The following PIK3CB variants were observed in gnomAD, a reference collection of about 807,000 sequenced individuals.
PIK3CB encodes the protein phosphatidylinositol 4,5-bisphosphate 3-kinase catalytic subunit beta isoform.
In PIK3CB, 39 loss-of-function variants were observed where a neutral mutation model predicts 136.8. That is an observed-to-expected ratio of 0.29 (90% CI 0.22 to 0.37). PIK3CB has a LOEUF of 0.37. Among genes scored for constraint, PIK3CB ranks in the 10% least tolerant of loss-of-function variants. The pLI is 1.00. For synonymous variants in PIK3CB, 428 were observed against 436.6 expected (o/e 0.98, Z 0.25); for missense variants, 868 against 1,275.4 (o/e 0.68, Z 4.87).
At chr3:138,716,211 T>TG (rs1165554400) in intron 8 of PIK3CB, among the ~76,000 whole-genome samples, 1 of 152,206 alleles carries the variant, frequency 6.6e-6, no homozygotes, top group Non-Finnish European at 1.5e-5. Flanking sequence ...TCTGAACACA[T>TG]GACCTAATTC....
chr3:138,700,225 A>G (rs956634353), intron 12 of PIK3CB, among the ~76,000 whole-genome samples: 2 of 152,016 alleles, frequency 1.3e-5, no homozygotes, highest in Admixed American at 6.6e-5. Flanking sequence ...CTGTCAATCC[A>G]TTCCATCCGT....
chr3:138,807,250 G>C (rs2046244274), intron 1 of PIK3CB, among the ~76,000 whole-genome samples: 1 of 151,812 alleles, frequency 6.6e-6, no homozygotes. Flanking sequence ...CCTGGGCAAC[G>C]TGGTGAAACC....
chr3:138,797,965 A>G (rs774822071), intron 1 of PIK3CB, among the ~76,000 whole-genome samples: 1 of 152,100 alleles, frequency 6.6e-6, no homozygotes, highest in Non-Finnish European at 1.5e-5. Context: ...AAAAAAAGAA[A>G]AAGGAAAAAA....
chr3:138,702,842 A>G (rs1449566153), intron 12 of PIK3CB, among the ~76,000 whole-genome samples: 2 of 151,722 alleles, frequency 1.3e-5, no homozygotes, highest in Non-Finnish European at 2.9e-5. Context: ...TTTTCAATAA[A>G]CTCTTACTTC....
At chr3:138,815,139 CAAA>C (rs71637082) in intron 1 of PIK3CB, among the ~76,000 whole-genome samples, 4 of 38,152 alleles carry the variant, frequency 1.0e-4, no homozygotes, top group African/African-American at 1.3e-4. Flanking sequence ...GACTCCGTCT[CAAA>C]AAAAAAAAAA....
In PIK3CB at chr3:138,733,362, T is replaced by A. The variant is rs555479451; in HGVS notation, c.1049A>T (p.Lys350Ile). Residue 350 changes from lysine (K) to isoleucine (I), a missense_variant and splice_region_variant, in exon 8 of 24, where the codon AAA (lysine) becomes ATA (isoleucine). Transcript: ENST00000674063. ...GNKLNTEETV[K>I]VHVRAGLFHG... ...ATTCAAATCTTAGTGGGTACTCACT[T>A]TTACAGTTTCCTCTGTGTTAAGTTT... 39 of 1,506,328 alleles carry A rather than the reference T, an allele frequency of 2.6e-5. 1 individual carries two copies. The South Asian group carries it at 4.2e-4, about 16-fold the overall frequency. The allele number at this position is 1,506,328 out of a possible 1,614,324, so 93.3% of individuals were successfully genotyped here.
intron 21 of PIK3CB, among the ~76,000 whole-genome samples, chr3:138,662,978 C>G (rs893687078): frequency 2.0e-5 from 3 of 152,100 alleles, no homozygotes; most frequent in African/African-American, 7.2e-5. Flanking sequence ...TTAGGCATTA[C>G]CATTCAGGAC....
Position 138,668,489 on chromosome 3 carries a change from A to C in PIK3CB, c.2505-3286T>G, listed in dbSNP as rs192283857. 1.1e-3 allele frequency among the ~76,000 whole-genome samples: 170 copies of C among 152,178 alleles called. 3 individuals carry two copies. In the South Asian group the frequency reaches 0.028, roughly 25 times the overall value. On this transcript the variant is annotated intron_variant, in intron 19 of 23. Transcript: ENST00000674063. Reference sequence around the variant, plus strand: ...GGTACCCTCTGCACTCAACTTCTACACTTCTTACAAAGGCCAAGACTACAA... The same window carrying C: ...GGTACCCTCTGCACTCAACTTCTACCCTTCTTACAAAGGCCAAGACTACAA...
intron 2 of PIK3CB, among the ~76,000 whole-genome samples, chr3:138,782,541 CCA>C (rs1464056126): frequency 4.6e-5 from 7 of 152,094 alleles, no homozygotes; most frequent in East Asian, 1.9e-4. Context: ...TTTTTTTCTT[CCA>C]CAGTTACAGG....
intron 1 of PIK3CB, among the ~76,000 whole-genome samples, chr3:138,815,162 A>AAAAAAATAT (rs1553743711): frequency 2.2e-4 from 14 of 62,474 alleles, no homozygotes; most frequent in African/African-American, 3.9e-4. Flanking sequence ...AAAAAAAAAA[A>AAAAAAATAT]ATATATATAT....
chr3:138,677,726 G>A (rs1264830688), intron 19 of PIK3CB, among the ~76,000 whole-genome samples: 11 of 152,070 alleles, frequency 7.2e-5, no homozygotes, highest in African/African-American at 1.4e-4. Context: ...GAGAAACCCC[G>A]TCTTACTAAA....
intron 22 of PIK3CB, among the ~76,000 whole-genome samples, chr3:138,657,057 G>A (rs977731013): frequency 7.2e-5 from 11 of 151,988 alleles, no homozygotes; most frequent in Non-Finnish European, 1.5e-4. Context: ...ATGACCTACC[G>A]CGCCAGGCTG....
Position 138,764,287 on chromosome 3 carries a change from G to GA in PIK3CB, c.-16-4929dup, listed in dbSNP as rs1337203057. Among the ~76,000 whole-genome samples the GA allele has an allele frequency of 6.6e-3, 874 of 133,098 alleles. 8 individuals are homozygous for GA. Among genetic ancestry groups the GA allele is most frequent in the African/African-American group, 0.019 (698 of 36,278 alleles). The allele number at this position is 133,098 out of a possible 152,430, so 87.3% of individuals were successfully genotyped here. ...TACATAGTGAGACCTCATCTATCAA[G>GA]AAAAAAAAAAAAAATTAGCCAAGAG... On this transcript the variant is annotated intron_variant, in intron 2 of 23. Transcript: ENST00000674063.
At chr3:138,692,346 C>G (rs528096447) in intron 14 of PIK3CB, among the ~76,000 whole-genome samples, 1 of 152,296 alleles carries the variant, frequency 6.6e-6, no homozygotes, top group African/African-American at 2.4e-5. Flanking sequence ...CCAGAATTAG[C>G]TACACGGAAT....
intron 16 of PIK3CB, among the ~76,000 whole-genome samples, chr3:138,687,423 G>T (rs923500831): frequency 6.6e-6 from 1 of 152,176 alleles, no homozygotes; most frequent in Non-Finnish European, 1.5e-5. Context: ...ATAGTGCAAT[G>T]AAAAATTATT....
intron 4 of PIK3CB, among the ~76,000 whole-genome samples, chr3:138,743,056 A>G (rs556570022): frequency 6.6e-6 from 1 of 152,362 alleles, no homozygotes; most frequent in East Asian, 1.9e-4. Context: ...CCAGTTTTAC[A>G]AAGTAATTCA....
chr3:138,680,632 ACC>A (rs2043752610), intron 19 of PIK3CB, among the ~76,000 whole-genome samples: 1 of 152,004 alleles, frequency 6.6e-6, no homozygotes, highest in Admixed American at 6.5e-5. Context: ...CTTCAATAGC[ACC>A]CTAGACTGGA....
At chr3:138,831,147 C>T (rs187889955) in intron 1 of PIK3CB, among the ~76,000 whole-genome samples, 4 of 148,240 alleles carry the variant, frequency 2.7e-5, no homozygotes, top group South Asian at 2.1e-4. Context: ...ATTAGCCAGG[C>T]GTGGTGGCGG....
intron 22 of PIK3CB, 110 bp from the exon 23 acceptor site, chr3:138,656,384 T>C (rs2043192239): frequency 1.7e-6 from 2 of 1,170,126 alleles, no homozygotes; most frequent in Non-Finnish European, 2.4e-6. Context: ...ATAAGAAAAT[T>C]CCTACTGAAC....
Sources: gnomAD v4.1 joint callset for allele counts (sites outside exome capture counted in the v4.1 genomes callset) on GRCh38, gnomAD v4.1.1 for gene constraint, MANE v1.5 for transcripts, NCBI Gene and HGNC (gene_info 2026-07-23, HGNC 2026-07-21) for gene names.